Variants in SRGAP2 observed in about 807,000 individuals in gnomAD.
The protein encoded by SRGAP2 is SLIT-ROBO Rho GTPase-activating protein 2.
Under a neutral mutation model 57.2 loss-of-function variants are expected in SRGAP2, and 15 were observed. The ratio of observed to expected loss-of-function variants is 0.26; its 90% CI spans 0.18 to 0.40. SRGAP2 has a LOEUF of 0.40. Among genes scored for constraint, SRGAP2 ranks in the 10% least tolerant of loss-of-function variants. SRGAP2 has a pLI of 1.00. For missense variants in SRGAP2, 520 were observed against 669.6 expected, an observed-to-expected ratio of 0.78 and a Z score of 2.47; for synonymous variants, 249 against 248.0, an observed-to-expected ratio of 1.00 and a Z score of -0.04.
At chr1:206,424,655 C>CA (rs1660634116) in intron 13 of SRGAP2, among the ~76,000 whole-genome samples, 1 of 152,088 alleles carries the variant, frequency 6.6e-6, no homozygotes, top group African/African-American at 2.4e-5. Context: ...GACTCTGTCC[C>CA]AAAATAAATT....
intron 22 of SRGAP2, among the ~76,000 whole-genome samples, chr1:206,460,499 G>A (rs1387491005): frequency 5.9e-5 from 9 of 152,106 alleles, no homozygotes; most frequent in South Asian, 4.1e-4. Context: ...GGGGGGAGGC[G>A]TATTGGGCTC....
chr1:206,440,069 C>A lies in SRGAP2; in HGVS notation c.1862C>A (p.Ala621Asp), dbSNP rs781981581. ...CTGATTATCATGAGATACCTCTTTGCCTTCCTCAATCAGTGAGTAGCCTTC... is the reference window on the plus strand; with the variant it reads ...CTGATTATCATGAGATACCTCTTTGACTTCCTCAATCAGTGAGTAGCCTTC... ...TTLIIMRYLFAFLNHLSQFSE... is the reference protein window; with the variant it reads ...TTLIIMRYLFDFLNHLSQFSE... The change falls in exon 17 of 23, where the codon GCC becomes GAC. Residue 621 changes from alanine to aspartate, a missense_variant. Transcript: ENST00000573034. 2 of 780,864 alleles carry A rather than the reference C, an allele frequency of 2.6e-6. No homozygotes were observed. The highest frequency in any genetic ancestry group is 2.7e-5 in the South Asian group (2 of 74,614). 48.4% of individuals were successfully genotyped at this position (780,864 alleles called of 1,614,324 possible). A position where few individuals can be genotyped will look rare whatever the true frequency, so the allele number is the denominator to read the frequency against.
chr1:206,291,534 T>C, intron 2 of SRGAP2, among the ~76,000 whole-genome samples: 1 of 152,026 alleles, frequency 6.6e-6, no homozygotes, highest in South Asian at 2.1e-4. Flanking sequence ...GAACTACAAT[T>C]AAAATCCAAG....
chr1:206,267,905 A>C lies in SRGAP2; in HGVS notation c.68-35376A>C, dbSNP rs1669958684. Among the ~76,000 whole-genome samples the C allele has an allele frequency of 2.6e-5, 4 of 151,742 alleles. No individual in the cohort carries two copies. The South Asian group carries it at 6.2e-4, about 24-fold the overall frequency. ...TGGATGAATTCTCAATAGAAAAAAA[A>C]GGAATCCAGAAAAAAATGGATTTAT... is the stretch of plus-strand genomic sequence containing the variant. On this transcript the variant is annotated intron_variant, in intron 2 of 22. Coordinates refer to ENST00000573034, the MANE Select transcript of SRGAP2 (RefSeq NM_015326.5).
chr1:206,439,225 C>A (rs1553371078), intron 16 of SRGAP2, among the ~76,000 whole-genome samples: 1 of 152,106 alleles, frequency 6.6e-6, no homozygotes, highest in Non-Finnish European at 1.5e-5. Flanking sequence ...TTACATGGCA[C>A]ACTGTGGAAG....
intron 4 of SRGAP2, among the ~76,000 whole-genome samples, chr1:206,373,692 G>A (rs868983935): frequency 3.0e-5 from 2 of 67,660 alleles, no homozygotes; most frequent in Non-Finnish European, 5.8e-5. Context: ...CCGAGATGGC[G>A]CCACTGCACT....
At chr1:206,358,404 C>A (rs577880685) in intron 4 of SRGAP2, among the ~76,000 whole-genome samples, 2 of 149,518 alleles carry the variant, frequency 1.3e-5, no homozygotes, top group African/African-American at 5.1e-5. Context: ...CTTTTTTTAG[C>A]GGTATATTAT....
intron 13 of SRGAP2, among the ~76,000 whole-genome samples, chr1:206,423,685 C>T (rs1452902910): frequency 6.6e-6 from 1 of 151,804 alleles, no homozygotes; most frequent in African/African-American, 2.4e-5. Context: ...AAATGTAGTA[C>T]AAATAAGTAC....
chr1:206,327,152 C>T (rs1553330276), intron 3 of SRGAP2, among the ~76,000 whole-genome samples: 2 of 151,978 alleles, frequency 1.3e-5, no homozygotes, highest in Non-Finnish European at 2.9e-5. Flanking sequence ...CATGGAGAAA[C>T]CCTGTCTCTA....
intron 2 of SRGAP2, chr1:206,206,298 C>A (rs548911619): frequency 8.5e-6 from 4 of 469,986 alleles, no homozygotes; most frequent in East Asian, 6.8e-5. Context: ...CCCTTTCCCC[C>A]CCAAGCCGGA....
intron 4 of SRGAP2, among the ~76,000 whole-genome samples, chr1:206,381,095 G>A (rs1655664030): frequency 6.6e-6 from 1 of 152,190 alleles, no homozygotes; most frequent in East Asian, 1.9e-4. Flanking sequence ...CACTTCAGCA[G>A]CCTGTTCAAA....
At chr1:206,222,826 G>A (rs868936624) in intron 2 of SRGAP2, among the ~76,000 whole-genome samples, 2 of 151,648 alleles carry the variant, frequency 1.3e-5, no homozygotes, top group African/African-American at 4.8e-5. Flanking sequence ...TCAAGAAACT[G>A]GCATAATATA....
At chr1:206,416,675 G>GT (rs1659728680) in intron 11 of SRGAP2, among the ~76,000 whole-genome samples, 1 of 152,242 alleles carries the variant, frequency 6.6e-6, no homozygotes, top group East Asian at 1.9e-4. Context: ...CTTCCCCAGG[G>GT]TTTTTTGGCA....
chr1:206,287,199 G>A (rs1337575314), intron 2 of SRGAP2, among the ~76,000 whole-genome samples: 29 of 152,290 alleles, frequency 1.9e-4, no homozygotes, highest in African/African-American at 6.5e-4. Context: ...TGGTGGTACC[G>A]TTACTGGGGT....
chr1:206,262,376 A>G (rs1356395729), intron 2 of SRGAP2, among the ~76,000 whole-genome samples: 2 of 146,704 alleles, frequency 1.4e-5, no homozygotes, highest in Non-Finnish European at 3.0e-5. Flanking sequence ...AGCTGATACT[A>G]TTAATATTAT....
intron 2 of SRGAP2, among the ~76,000 whole-genome samples, chr1:206,266,579 C>T (rs1669864269): frequency 6.6e-6 from 1 of 152,056 alleles, no homozygotes; most frequent in Non-Finnish European, 1.5e-5. Flanking sequence ...TGATGAGATG[C>T]CTGGACATTC....
At chr1:206,447,253 G>A (rs554814828) in intron 18 of SRGAP2, among the ~76,000 whole-genome samples, 8 of 152,084 alleles carry the variant, frequency 5.3e-5, no homozygotes, top group Middle Eastern at 3.4e-3. Context: ...AGCCCAAATC[G>A]GATTCTGTCT....
intron 22 of SRGAP2, 82 bp downstream of exon 22, chr1:206,459,029 C>T: frequency 1.6e-6 from 1 of 639,126 alleles, no homozygotes; most frequent in Non-Finnish European, 2.9e-6. Context: ...TATGACAGGA[C>T]TTGAAACAGA....
intron 5 of SRGAP2, among the ~76,000 whole-genome samples, chr1:206,386,450 C>T (rs1656263446): frequency 7.1e-6 from 1 of 141,254 alleles, no homozygotes; most frequent in Admixed American, 7.2e-5. Context: ...GTGAGTTATA[C>T]TTCCTGAAAT....
Sources: allele counts gnomAD v4.1 joint callset (sites outside exome capture counted in the v4.1 genomes callset), GRCh38; gene constraint gnomAD v4.1.1; transcripts MANE v1.5; gene names NCBI Gene and HGNC (gene_info 2026-07-23, HGNC 2026-07-21).